Variants in ZNF473 observed in about 807,000 individuals in gnomAD.
The protein encoded by ZNF473 is zinc finger protein 100 homolog.
Under a neutral mutation model 11.1 loss-of-function variants are expected in ZNF473, and 4 were observed. That is an observed-to-expected ratio of 0.36 (90% CI 0.18 to 0.82). ZNF473 has a LOEUF of 0.82. Among genes scored for constraint, ZNF473 ranks in the 40% least tolerant of loss-of-function variants. The pLI is 0.49. For synonymous variants in ZNF473, 404 were observed against 390.4 expected (o/e 1.03, Z -0.41); for missense variants, 854 against 1,084.0 (o/e 0.79, Z 2.98).
chr19:50,040,175 G>A (rs1365698154), intron 3 of ZNF473, among the ~76,000 whole-genome samples: 1 of 152,180 alleles, frequency 6.6e-6, no homozygotes, highest in African/African-American at 2.4e-5. Context: ...AAAAGATTCA[G>A]AGCACAGTCA....
At chr19:50,032,074 C>T (rs540984405) in intron 2 of ZNF473, among the ~76,000 whole-genome samples, 1 of 151,448 alleles carries the variant, frequency 6.6e-6, no homozygotes, top group East Asian at 1.9e-4. Context: ...TGTGGTCTAG[C>T]ACACAGGGTA....
chr19:50,033,267 A>G (rs2077326802), intron 2 of ZNF473, among the ~76,000 whole-genome samples: 1 of 152,138 alleles, frequency 6.6e-6, no homozygotes, highest in Non-Finnish European at 1.5e-5. Context: ...GAGGGACACA[A>G]TCTTGGCTCT....
rs1238829367 is a variant in ZNF473 at position 50,044,689 on chromosome 19, C to T, written c.246C>T (p.Asn82=). 1 of 1,611,136 alleles carries T rather than the reference C, an allele frequency of 6.2e-7. No homozygotes were observed. The highest frequency in any genetic ancestry group is 8.5e-7 in the Non-Finnish European group (1 of 1,178,508). The stretch of plus-strand genomic sequence containing the variant: ...TTTCAGATGTGACTGAGACCAAGAA[C>T]TCTCCTCTGATGGAGGATTTCTTCG... ...ATSPDVTETK[N]SPLMEDFFEE... Residue 82 remains asparagine (N), a synonymous_variant, in exon 5 of 5, where the codon AAC becomes AAT. Coordinates refer to ENST00000270617, the MANE Select transcript of ZNF473 (RefSeq NM_015428.4).
chr19:50,046,564 C>T lies in ZNF473; in HGVS notation c.2121C>T (p.Cys707=), dbSNP rs774615875. The change falls in exon 5 of 5, where the codon TGC becomes TGT. Residue 707 remains cysteine, a synonymous_variant. Transcript: ENST00000270617. This position sits in a 1 kb window ranked among gnomAD's most constrained non-coding sequence, Gnocchi z 5.9. Reference sequence around the variant, plus strand: ...AGAAGCCGTTGGTGTGTAACGAATGCGGGAAAACGTTCCGTCAGAGCTCAT... The same window carrying T: ...AGAAGCCGTTGGTGTGTAACGAATGTGGGAAAACGTTCCGTCAGAGCTCAT... ...ARKKPLVCNE[C]GKTFRQSSCL... is the part of the protein sequence containing the mutation. 14 of 1,614,072 alleles carry T rather than the reference C, an allele frequency of 8.7e-6. No individual in the cohort carries two copies. The highest frequency in any genetic ancestry group is 7.7e-5 in the South Asian group (7 of 91,084).
At chr19:50,040,310 G>A (rs777484140) in intron 3 of ZNF473, among the ~76,000 whole-genome samples, 7 of 152,306 alleles carry the variant, frequency 4.6e-5, no homozygotes, top group South Asian at 2.1e-4. Context: ...GTGATATCGC[G>A]TGTGAAATGC....
At position 50,047,034 on chromosome 19, in the gene ZNF473, A is replaced by G. The variant is rs776939536; in HGVS notation, c.2591A>G (p.His864Arg). Residue 864 changes from histidine (H) to arginine (R), a missense_variant, in exon 5 of 5, where the codon CAC (histidine) becomes CGC (arginine). This residue lies in a region of ZNF473 where 186 missense variants were observed against 293.8 expected (regional missense o/e 0.63). Coordinates refer to ENST00000270617, the MANE Select transcript of ZNF473 (RefSeq NM_015428.4). ...AGCCTCAGCCGCCATCAGCGTGTAC[A>G]CAACAAGCAGCAATACTGCCTGTAG... ...HSSLSRHQRV[H>R]NKQQYCL The G allele has an allele frequency of 1.2e-6, 2 of 1,613,004 alleles. No individual in the cohort carries two copies. Among genetic ancestry groups the G allele is most frequent in the South Asian group, 2.2e-5 (2 of 91,064 alleles).
In ZNF473 at chr19:50,046,801, C is replaced by T. The variant is rs758205805; in HGVS notation, c.2358C>T (p.Tyr786=). The T allele has an allele frequency of 3.1e-6, 5 of 1,614,126 alleles. No individual in the cohort carries two copies. Among genetic ancestry groups the T allele is most frequent in the South Asian group, 1.1e-5 (1 of 91,080 alleles). The change falls in exon 5 of 5, where the codon TAC becomes TAT. Residue 786 remains tyrosine (Y), a synonymous_variant. Coordinates refer to ENST00000270617, the MANE Select transcript of ZNF473 (RefSeq NM_015428.4). The surrounding 1 kb of genome is among the most constrained non-coding windows in gnomAD (Gnocchi z 5.9). The part of the protein sequence containing the change: ...HRRVHTGEKP[Y]RCGECGKAFA... ...GAGTTCACACTGGGGAGAAGCCCTA[C>T]AGATGTGGTGAATGTGGGAAAGCCT...
intron 2 of ZNF473, among the ~76,000 whole-genome samples, chr19:50,032,286 A>T (rs1005351386): frequency 6.6e-6 from 1 of 151,384 alleles, no homozygotes; most frequent in Admixed American, 6.6e-5. Context: ...TCTTGACAGG[A>T]TATAGACAGC....
rs2077315108 is a variant in ZNF473, at chr19:50,031,046, G to A, written c.-37G>A. The A allele has an allele frequency of 6.4e-7, 1 of 1,561,180 alleles. No homozygotes were observed. The highest frequency in any genetic ancestry group is 8.7e-7 in the Non-Finnish European group (1 of 1,152,386). Reference sequence around the variant, plus strand: ...AGCCGGGAACACGGAGGGGAAGGAGGAGGAGCTTAAAAGAGGCTACTGAAC... The same window carrying A: ...AGCCGGGAACACGGAGGGGAAGGAGAAGGAGCTTAAAAGAGGCTACTGAAC... On this transcript the variant is annotated 5_prime_UTR_variant, in exon 2 of 5. Coordinates refer to ENST00000270617, the MANE Select transcript of ZNF473 (RefSeq NM_015428.4).
chr19:50,029,504 A>C (rs1004885985), intron 1 of ZNF473, among the ~76,000 whole-genome samples: 1 of 152,258 alleles, frequency 6.6e-6, no homozygotes, highest in African/African-American at 2.4e-5. Context: ...TTTGAAAATA[A>C]AAGTTGAATT....
At chr19:50,034,955 T>C (rs2077337244) in intron 2 of ZNF473, among the ~76,000 whole-genome samples, 1 of 152,136 alleles carries the variant, frequency 6.6e-6, no homozygotes, top group Admixed American at 6.6e-5. Flanking sequence ...GCTTGCAAAA[T>C]GGCGCTATCA....
chr19:50,033,417 G>A (rs564924137), intron 2 of ZNF473, among the ~76,000 whole-genome samples: 4 of 152,210 alleles, frequency 2.6e-5, no homozygotes, highest in Admixed American at 2.6e-4. Flanking sequence ...GGAGATCATT[G>A]TATGGTCTCT....
chr19:50,035,102 G>A lies in ZNF473; in HGVS notation c.9+4011G>A, dbSNP rs62115245. Among the ~76,000 whole-genome samples, 597 of 152,160 alleles carry A rather than the reference G, an allele frequency of 3.9e-3. 3 individuals carry two copies. The highest frequency in any genetic ancestry group is 6.8e-3 in the Middle Eastern group (2 of 294). ...AGCTCAGGAGTTCAAGATCAGCCTG[G>A]GCAACGTGGTGAAACCCCATCTCTA... On this transcript the variant is annotated intron_variant, in intron 2 of 4. Coordinates refer to ENST00000270617, the MANE Select transcript of ZNF473 (RefSeq NM_015428.4).
chr19:50,045,347 A>C lies in ZNF473; in HGVS notation c.904A>C (p.Ser302Arg), dbSNP rs372730767. Reference protein sequence around the residue: ...CKSQDSDHPPSHDTQPGEHQK... With the variant: ...CKSQDSDHPPRHDTQPGEHQK... ...GAGTCAAGATAGTGACCACCCACCC[A>C]GTCATGACACACAGCCTGGTGAGCA... is the stretch of plus-strand genomic sequence containing the variant. The change falls in exon 5 of 5, where the codon AGT becomes CGT. Residue 302 changes from serine (S) to arginine (R), a missense_variant. Physicochemically the swap from Ser to Arg is moderately radical, Grantham distance 110. Around this residue, in one of 2 missense-constraint regions of ZNF473, gnomAD observed 668 missense variants for 790.2 expected, o/e 0.85. Transcript: ENST00000270617. 2.8e-5 allele frequency: 46 copies of C among 1,614,082 alleles called. No homozygotes were observed. Among genetic ancestry groups the C allele is most frequent in the Non-Finnish European group, 3.7e-5 (44 of 1,180,042 alleles).
chr19:50,027,105 G>A (rs148355062), intron 1 of ZNF473, among the ~76,000 whole-genome samples: 137 of 152,196 alleles, frequency 9.0e-4, no homozygotes, highest in African/African-American at 3.0e-3. Context: ...AGGCAATCTC[G>A]GGAATCAGAA....
At position 50,046,054 on chromosome 19, in the gene ZNF473, C is replaced by T. The variant is rs199603967; in HGVS notation, c.1611C>T (p.His537=). 9.0e-5 allele frequency: 145 copies of T among 1,614,182 alleles called. No individual in the cohort carries two copies. The highest frequency in any genetic ancestry group is 4.3e-4 in the Admixed American group (26 of 60,024). ...GSTLKCHESV[H]AREKQGFFVS... ...CCCTGAAGTGCCACGAGAGTGTTCA[C>T]GCCAGAGAAAAACAAGGATTTTTTG... The change falls in exon 5 of 5, where the codon CAC becomes CAT. Residue 537 remains histidine, a synonymous_variant. Coordinates refer to ENST00000270617, the MANE Select transcript of ZNF473 (RefSeq NM_015428.4). The surrounding 1 kb of genome is among the most constrained non-coding windows in gnomAD (Gnocchi z 5.9).
chr19:50,039,505 C>G lies in ZNF473; in HGVS notation c.136+218C>G, dbSNP rs1256149134. Among the ~76,000 whole-genome samples the G allele has an allele frequency of 6.6e-6, 1 of 152,266 alleles. No homozygotes were observed. The highest frequency in any genetic ancestry group is 1.9e-4 in the East Asian group (1 of 5,204). ...AGCGCAGCGTGCCGCTAGCATCTAG[C>G]TGGTGGAACCAAGGGAGGCTGCCAC... On this transcript the variant is annotated intron_variant, in intron 3 of 4. Coordinates refer to ENST00000270617, the MANE Select transcript of ZNF473 (RefSeq NM_015428.4). The surrounding 1 kb of genome is among the most constrained non-coding windows in gnomAD (Gnocchi z 4.8).
chr19:50,035,575 T>C (rs1978380385), intron 2 of ZNF473, among the ~76,000 whole-genome samples: 1 of 151,992 alleles, frequency 6.6e-6, no homozygotes, highest in Non-Finnish European at 1.5e-5. Flanking sequence ...GGACAGGAAC[T>C]GGCTGCCCCC....
In ZNF473 at chr19:50,046,085, G is replaced by T. The variant is rs776270473; in HGVS notation, c.1642G>T (p.Gly548Trp). 2.5e-6 allele frequency: 4 copies of T among 1,614,206 alleles called. No individual in the cohort carries two copies. The highest frequency in any genetic ancestry group is 3.3e-5 in the Admixed American group (2 of 60,026). The change falls in exon 5 of 5, where the codon GGG becomes TGG. Residue 548 changes from glycine to tryptophan, a missense_variant. Gly to Trp is a radical substitution (Grantham distance 184). This residue lies in a region of ZNF473 where 668 missense variants were observed against 790.2 expected (regional missense o/e 0.85). Transcript: ENST00000270617. This position sits in a 1 kb window ranked among gnomAD's most constrained non-coding sequence, Gnocchi z 5.9. ...AGAAAAACAAGGATTTTTTGTGAGT[G>T]GGAAGATCTTGGATCAGAACCCAGA... is the stretch of plus-strand genomic sequence containing the variant. ...AREKQGFFVS[G>W]KILDQNPEQK... is the part of the protein sequence containing the mutation.
Sources: allele counts gnomAD v4.1 joint callset (sites outside exome capture counted in the v4.1 genomes callset), GRCh38; gene constraint gnomAD v4.1.1; regional missense constraint gnomAD v4.1.1; non-coding constraint Gnocchi (gnomAD v3.1); transcripts MANE v1.5; gene names NCBI Gene and HGNC (gene_info 2026-07-23, HGNC 2026-07-21).